ARHGAP24: variants seen among roughly 807,000 people sequenced by gnomAD.
The protein encoded by ARHGAP24 is rho GTPase-activating protein 24.
In ARHGAP24, 50 loss-of-function variants were observed where a neutral mutation model predicts 76.4. The observed-to-expected ratio is 0.65, with a 90% CI of 0.52 to 0.83. ARHGAP24 has a LOEUF of 0.83. Ranked by LOEUF, ARHGAP24 falls within the 40% of genes least tolerant of loss-of-function variation. The probability of loss-of-function intolerance (pLI) is 0.00; values close to 1 mark genes in which losing one functional copy is unlikely to be tolerated. For missense variants in ARHGAP24, 930 were observed against 914.2 expected, an observed-to-expected ratio of 1.02 and a Z score of -0.22; for synonymous variants, 345 against 323.3, an observed-to-expected ratio of 1.07 and a Z score of -0.72.
At chr4:85,941,972 C>A in intron 4 of ARHGAP24, 94 bp from the exon 5 acceptor site, 1 of 1,290,418 alleles carries the variant, frequency 7.7e-7, no homozygotes, top group Non-Finnish European at 1.1e-6. Flanking sequence ...GCATTCCAAT[C>A]TTTGTTTTTC....
chr4:85,621,169 G>A (rs1023940647), intron 2 of ARHGAP24, among the ~76,000 whole-genome samples: 4 of 151,864 alleles, frequency 2.6e-5, no homozygotes, highest in African/African-American at 7.3e-5. Context: ...TTCTTCATCC[G>A]ATCCACCACT....
intron 1 of ARHGAP24, among the ~76,000 whole-genome samples, chr4:85,492,100 C>CTCCCTTCCT (rs568877665): frequency 6.6e-6 from 1 of 151,332 alleles, no homozygotes; most frequent in Non-Finnish European, 1.5e-5. Flanking sequence ...CCCTCCTTCC[C>CTCCCTTCCT]TCCCTTCCTT....
At chr4:85,850,328 T>G (rs1213749840) in intron 3 of ARHGAP24, among the ~76,000 whole-genome samples, 1 of 152,186 alleles carries the variant, frequency 6.6e-6, no homozygotes, top group East Asian at 1.9e-4. Flanking sequence ...ATCTATTTGA[T>G]TCTTCTCTCT....
At chr4:85,979,469 A>G (rs866126788) in intron 8 of ARHGAP24, among the ~76,000 whole-genome samples, 10 of 151,932 alleles carry the variant, frequency 6.6e-5, no homozygotes, top group Admixed American at 1.3e-4. Context: ...CTCCCTACCC[A>G]TTAAACACGA....
intron 2 of ARHGAP24, among the ~76,000 whole-genome samples, chr4:85,575,335 G>A (rs1462865025): frequency 6.6e-6 from 1 of 152,106 alleles, no homozygotes; most frequent in East Asian, 1.9e-4. Context: ...TATAATTCTT[G>A]TCACTCACAG....
At chr4:85,840,716 A>G (rs1399614381) in intron 3 of ARHGAP24, among the ~76,000 whole-genome samples, 1 of 152,194 alleles carries the variant, frequency 6.6e-6, no homozygotes, top group Non-Finnish European at 1.5e-5. Flanking sequence ...AGCCTCTATA[A>G]ATCAAAATTT....
At chr4:85,531,551 T>A (rs1725260224) in intron 1 of ARHGAP24, among the ~76,000 whole-genome samples, 1 of 152,104 alleles carries the variant, frequency 6.6e-6, no homozygotes, top group Non-Finnish European at 1.5e-5. Flanking sequence ...CAATACCTAC[T>A]GTTTTATTAC....
intron 1 of ARHGAP24, among the ~76,000 whole-genome samples, chr4:85,494,631 A>G (rs1234563599): frequency 6.6e-6 from 1 of 151,750 alleles, no homozygotes; most frequent in Non-Finnish European, 1.5e-5. Context: ...CAGTGAGCCA[A>G]GATTGCACCA....
intron 3 of ARHGAP24, among the ~76,000 whole-genome samples, chr4:85,729,157 C>T (rs563077231): frequency 6.6e-6 from 1 of 151,852 alleles, no homozygotes; most frequent in African/African-American, 2.4e-5. Flanking sequence ...TGTAGGCAGC[C>T]GTGAAGCTTG....
At chr4:85,957,667 C>T (rs1737996846) in intron 5 of ARHGAP24, among the ~76,000 whole-genome samples, 1 of 152,164 alleles carries the variant, frequency 6.6e-6, no homozygotes, top group South Asian at 2.1e-4. Flanking sequence ...ACTGGGAGGC[C>T]TCTTTCCTTT....
At chr4:85,870,367 A>G (rs1445182938) in intron 3 of ARHGAP24, among the ~76,000 whole-genome samples, 1 of 152,176 alleles carries the variant, frequency 6.6e-6, no homozygotes, top group East Asian at 1.9e-4. Context: ...CTCATTCATT[A>G]GATATGGCTG....
chr4:85,650,464 G>C (rs1398355407), intron 2 of ARHGAP24, among the ~76,000 whole-genome samples: 2 of 149,260 alleles, frequency 1.3e-5, no homozygotes, highest in African/African-American at 5.2e-5. Context: ...TGAGCTTCTA[G>C]TTTTCTTTAA....
At chr4:85,869,942 C>T (rs1489607826) in intron 3 of ARHGAP24, among the ~76,000 whole-genome samples, 1 of 152,184 alleles carries the variant, frequency 6.6e-6, no homozygotes, top group Non-Finnish European at 1.5e-5. Flanking sequence ...AATCCCTACC[C>T]TACCAGTACT....
At chr4:85,580,909 C>A (rs755159406) in intron 2 of ARHGAP24, among the ~76,000 whole-genome samples, 16 of 152,118 alleles carry the variant, frequency 1.1e-4, no homozygotes, top group Non-Finnish European at 2.1e-4. Flanking sequence ...TTCCAGCAAC[C>A]TGTCAGAGAC....
chr4:85,813,546 A>G (rs1317571194), intron 3 of ARHGAP24, among the ~76,000 whole-genome samples: 1 of 152,124 alleles, frequency 6.6e-6, no homozygotes, highest in African/African-American at 2.4e-5. Flanking sequence ...TTTCATATGT[A>G]TGAGTTACAG....
chr4:85,501,816 T>A (rs935219798), intron 1 of ARHGAP24, among the ~76,000 whole-genome samples: 9 of 152,168 alleles, frequency 5.9e-5, no homozygotes, highest in African/African-American at 2.2e-4. Context: ...TCCTGAATGG[T>A]ATTGCCTAGT....
At chr4:85,547,140 C>G (rs1490296812) in intron 1 of ARHGAP24, among the ~76,000 whole-genome samples, 2 of 152,084 alleles carry the variant, frequency 1.3e-5, no homozygotes, top group African/African-American at 4.8e-5. Flanking sequence ...TGTCTCCTTT[C>G]TCTGTTTGTT....
intron 8 of ARHGAP24, among the ~76,000 whole-genome samples, chr4:85,987,227 G>A (rs1329795134): frequency 1.3e-5 from 2 of 152,028 alleles, no homozygotes; most frequent in Admixed American, 6.6e-5. Flanking sequence ...TATAGGAACC[G>A]TCTGTACTTT....
chr4:85,814,512 A>G (rs1729153285), intron 3 of ARHGAP24, among the ~76,000 whole-genome samples: 1 of 152,190 alleles, frequency 6.6e-6, no homozygotes, highest in African/African-American at 2.4e-5. Context: ...GCAAGTCCAA[A>G]ATCCAGCAGG....
Sources: allele counts gnomAD v4.1 joint callset (sites outside exome capture counted in the v4.1 genomes callset), GRCh38; gene constraint gnomAD v4.1.1; transcripts MANE v1.5; gene names NCBI Gene and HGNC (gene_info 2026-07-23, HGNC 2026-07-21).